Variants in MLLT3 observed in about 807,000 individuals in gnomAD.
The protein encoded by MLLT3 is MLLT3 super elongation complex subunit.
In MLLT3, 4 loss-of-function variants were observed where a neutral mutation model predicts 53.2. The observed-to-expected ratio is 0.08, with a 90% CI of 0.04 to 0.17. MLLT3 has a LOEUF of 0.17. Ranked by LOEUF, MLLT3 falls within the 10% of genes least tolerant of loss-of-function variation. MLLT3 has a pLI of 1.00. For missense variants in MLLT3, 569 were observed against 684.0 expected (o/e 0.83, Z 1.87); for synonymous variants, 283 against 230.6 (o/e 1.23, Z -2.06).
At chr9:20,603,106 C>T (rs1203470162) in intron 2 of MLLT3, among the ~76,000 whole-genome samples, 1 of 152,056 alleles carries the variant, frequency 6.6e-6, no homozygotes. Flanking sequence ...TTTCTCTTTA[C>T]CATTAGCAAG....
chr9:20,469,717 C>T (rs1288126834), intron 2 of MLLT3, among the ~76,000 whole-genome samples: 1 of 128,054 alleles, frequency 7.8e-6, no homozygotes, highest in African/African-American at 2.8e-5. Flanking sequence ...TAATTCGGTG[C>T]AATCAGGAAA....
chr9:20,392,351 C>T (rs1382013163), intron 5 of MLLT3, among the ~76,000 whole-genome samples: 2 of 152,030 alleles, frequency 1.3e-5, no homozygotes, highest in Non-Finnish European at 2.9e-5. Flanking sequence ...TGCAGTCTGA[C>T]GGGAGAAGAT....
At position 20,622,431 on chromosome 9, in the gene MLLT3, C is replaced by T. The variant is rs1821048417; in HGVS notation, c.-175G>A. On this transcript the variant is annotated 5_prime_UTR_variant, in exon 1 of 11. Transcript: ENST00000380338. Reference sequence around the variant, plus strand: ...CCGCGCTCGCTTGCTCGCTCGCTCGCTTATTAAACTCAGCCCCAAAAGCAA... The same window carrying T: ...CCGCGCTCGCTTGCTCGCTCGCTCGTTTATTAAACTCAGCCCCAAAAGCAA... 1 of 587,588 alleles carries T rather than the reference C, an allele frequency of 1.7e-6. No homozygotes were observed. The highest frequency in any genetic ancestry group is 3.2e-5 in the East Asian group (1 of 31,128). The allele number at this position is 587,588 out of a possible 1,614,324, so 36.4% of individuals were successfully genotyped here.
chr9:20,467,467 A>G (rs1824264882), intron 2 of MLLT3, among the ~76,000 whole-genome samples: 1 of 152,182 alleles, frequency 6.6e-6, no homozygotes, highest in Non-Finnish European at 1.5e-5. Flanking sequence ...AGTCCCAGCT[A>G]CTCAGGAGGC....
Position 20,413,707 on chromosome 9 carries a change from T to G in MLLT3, c.1125+14A>C, listed in dbSNP as rs1389040917. On this transcript the variant is annotated intron_variant, in intron 5 of 10. Transcript: ENST00000380338. ...AAATAAGGGAAAGGAAGAAAGCCAG[T>G]AAGAACTACTCACATCAGATTTAGA... is the stretch of plus-strand genomic sequence containing the variant. The G allele has an allele frequency of 6.5e-7, 1 of 1,541,834 alleles. No individual in the cohort carries two copies. Among genetic ancestry groups the G allele is most frequent in the South Asian group, 1.3e-5 (1 of 77,856 alleles).
At chr9:20,574,910 G>C (rs189253717) in intron 2 of MLLT3, among the ~76,000 whole-genome samples, 5 of 152,156 alleles carry the variant, frequency 3.3e-5, no homozygotes, top group African/African-American at 7.2e-5. Context: ...GATCAACCAC[G>C]TTATATGTAA....
chr9:20,511,746 A>T (rs1047850397), intron 2 of MLLT3, among the ~76,000 whole-genome samples: 1 of 152,140 alleles, frequency 6.6e-6, no homozygotes, highest in South Asian at 2.1e-4. Flanking sequence ...ACACATACAT[A>T]CATACATATG....
In MLLT3 at chr9:20,414,048, A is replaced by C; in HGVS notation, c.798T>G (p.Asp266Glu). 2 of 1,614,082 alleles carry C rather than the reference A, an allele frequency of 1.2e-6. No individual in the cohort carries two copies. Among genetic ancestry groups the C allele is most frequent in the Non-Finnish European group, 1.7e-6 (2 of 1,180,020 alleles). Residue 266 changes from aspartate to glutamate, a missense_variant, in exon 5 of 11, where the codon GAT becomes GAG. By Grantham distance (45) the Asp-to-Glu change is conservative (BLOSUM62 2). Transcript: ENST00000380338. Reference sequence around the variant, plus strand: ...CACTGGTGATGGTGAGTAAGTTACTATCTGGTTTTGGCTCTTTTGACATGG... The same window carrying C: ...CACTGGTGATGGTGAGTAAGTTACTCTCTGGTTTTGGCTCTTTTGACATGG... ...PKPMSKEPKP[D>E]SNLLTITSGQ...
intron 2 of MLLT3, among the ~76,000 whole-genome samples, chr9:20,474,010 C>A (rs1240500194): frequency 1.3e-5 from 2 of 151,992 alleles, no homozygotes; most frequent in Admixed American, 1.3e-4. Context: ...AAAGTTGATT[C>A]CCTTAAACGA....
Position 20,518,390 on chromosome 9 carries a change from C to T in MLLT3, c.194-61604G>A, listed in dbSNP as rs12685685. 0.011 allele frequency among the ~76,000 whole-genome samples: 1,662 copies of T among 152,058 alleles called. 78 individuals are homozygous for T. The East Asian group carries it at 0.16, about 15-fold the overall frequency. The stretch of plus-strand genomic sequence containing the variant: ...AACAAAAAAAGGCAACTTTTCCTTA[C>T]AGAAAAATTATAATTAACAAATGCA... On this transcript the variant is annotated intron_variant, in intron 2 of 10. Transcript: ENST00000380338.
intron 5 of MLLT3, among the ~76,000 whole-genome samples, chr9:20,388,416 G>A (rs1447376006): frequency 7.2e-5 from 11 of 152,072 alleles, no homozygotes; most frequent in South Asian, 2.1e-4. Flanking sequence ...GTGAAACCCC[G>A]TCTCTACTAA....
chr9:20,419,637 C>G (rs886946173), intron 4 of MLLT3, among the ~76,000 whole-genome samples: 1 of 151,774 alleles, frequency 6.6e-6, no homozygotes, highest in Non-Finnish European at 1.5e-5. Flanking sequence ...ATACTGAAAT[C>G]TAGAAGAAAG....
intron 2 of MLLT3, among the ~76,000 whole-genome samples, chr9:20,500,196 G>C (rs1437649852): frequency 1.3e-5 from 2 of 152,198 alleles, no homozygotes; most frequent in Admixed American, 6.5e-5. Context: ...GGTGCCTGAA[G>C]CAAGAGCGGT....
intron 4 of MLLT3, among the ~76,000 whole-genome samples, chr9:20,424,491 C>A (rs1331016767): frequency 6.6e-6 from 1 of 152,074 alleles, no homozygotes; most frequent in African/African-American, 2.4e-5. Flanking sequence ...CATAAATAAT[C>A]ACCTCCAAAA....
At chr9:20,449,681 C>A (rs1311528437) in intron 3 of MLLT3, among the ~76,000 whole-genome samples, 1 of 152,072 alleles carries the variant, frequency 6.6e-6, no homozygotes, top group Non-Finnish European at 1.5e-5. Context: ...TGGTTTCCAC[C>A]TCCTCACCAA....
At chr9:20,533,139 C>A (rs1387894773) in intron 2 of MLLT3, 2 of 272,130 alleles carry the variant, frequency 7.3e-6, no homozygotes, top group East Asian at 9.9e-5. Flanking sequence ...ATCTAGTTCA[C>A]AGGAAGACCT....
At chr9:20,361,263 G>A (rs1024307012) in intron 7 of MLLT3, among the ~76,000 whole-genome samples, 6 of 152,120 alleles carry the variant, frequency 3.9e-5, no homozygotes, top group African/African-American at 1.4e-4. Context: ...GCTTACAGAA[G>A]GTCAGCAAAA....
chr9:20,366,527 T>C (rs201205654), intron 5 of MLLT3, among the ~76,000 whole-genome samples: 4 of 152,216 alleles, frequency 2.6e-5, no homozygotes, highest in East Asian at 3.8e-4. Context: ...GTCTTTATAG[T>C]AGAATGATTT....
At chr9:20,559,937 T>C (rs117988706) in intron 2 of MLLT3, among the ~76,000 whole-genome samples, 2 of 152,280 alleles carry the variant, frequency 1.3e-5, no homozygotes, top group East Asian at 3.9e-4. Context: ...ACCAGACTAG[T>C]CATTTTACTT....
Sources: allele counts gnomAD v4.1 joint callset (sites outside exome capture counted in the v4.1 genomes callset), GRCh38; gene constraint gnomAD v4.1.1; transcripts MANE v1.5; gene names NCBI Gene and HGNC (gene_info 2026-07-23, HGNC 2026-07-21).